CTNND2: variants seen among roughly 807,000 people sequenced by gnomAD.
CTNND2 encodes catenin delta-2.
CTNND2 carries 22 observed loss-of-function variants against 144.4 expected under a neutral mutation model. The ratio of observed to expected loss-of-function variants is 0.15; its 90% confidence interval spans 0.11 to 0.22. CTNND2 has a LOEUF of 0.22. CTNND2 is among the 10% of genes least tolerant of loss of function. The pLI is 1.00. For synonymous variants in CTNND2, 751 were observed against 695.6 expected, an observed-to-expected ratio of 1.08 and a Z score of -1.25; for missense variants, 1,353 against 1,618.8, an observed-to-expected ratio of 0.84 and a Z score of 2.82.
chr5:11,461,314 G>A (rs1766202277), intron 3 of CTNND2, among the ~76,000 whole-genome samples: 5 of 152,216 alleles, frequency 3.3e-5, no homozygotes, highest in South Asian at 4.1e-4. Flanking sequence ...GCAGAATGCC[G>A]AGAGAACACA....
chr5:11,764,688 C>T (rs1349820944), intron 1 of CTNND2, among the ~76,000 whole-genome samples: 4 of 152,140 alleles, frequency 2.6e-5, no homozygotes, highest in African/African-American at 9.7e-5. Flanking sequence ...AACCAAAGAT[C>T]GTAACTGATA....
At chr5:11,486,266 T>C (rs555526332) in intron 3 of CTNND2, among the ~76,000 whole-genome samples, 2 of 152,246 alleles carry the variant, frequency 1.3e-5, no homozygotes, top group South Asian at 4.1e-4. Flanking sequence ...GGTGATAATA[T>C]CCAGTAGATC....
At position 10,981,754 on chromosome 5, in the gene CTNND2, CG is replaced by C. The variant is rs1248072229; in HGVS notation, c.3417+18del. 6.3e-7 allele frequency: 1 copy of C among 1,590,220 alleles called. No homozygotes were observed. The highest frequency in any genetic ancestry group is 1.3e-5 in the African/African-American group (1 of 74,342). On this transcript the variant is annotated intron_variant, in intron 21 of 21. Transcript: ENST00000304623. ...AGTCACACTGAAAAGGAAATACAAA[CG>C]TGTTGCATTTACTTTACCTGGTTGT...
chr5:11,752,935 T>C (rs1788709345), intron 1 of CTNND2, among the ~76,000 whole-genome samples: 1 of 151,852 alleles, frequency 6.6e-6, no homozygotes, highest in Non-Finnish European at 1.5e-5. Context: ...GCACTATTTG[T>C]GGCTATTGTG....
intron 3 of CTNND2, among the ~76,000 whole-genome samples, chr5:11,417,610 T>C (rs1300635812): frequency 6.6e-6 from 1 of 152,184 alleles, no homozygotes; most frequent in East Asian, 1.9e-4. Context: ...TAACTCCTCA[T>C]ACACCACAAA....
At position 10,992,610 on chromosome 5, in the gene CTNND2, T is replaced by A. The variant is rs751090150; in HGVS notation, c.3152A>T (p.Tyr1051Phe). 6.2e-7 allele frequency: 1 copy of A among 1,612,102 alleles called. No homozygotes were observed. Among genetic ancestry groups the A allele is most frequent in the Non-Finnish European group, 8.5e-7 (1 of 1,179,422 alleles). ...GATGGAGGGCGTGCGGGAGGAGGAG[T>A]AGGGCCTTTGCCGGTCCCTCTCGAT... is the stretch of plus-strand genomic sequence containing the variant. The part of the protein sequence containing the change: ...STIERDRQRP[Y>F]SSSRTPSISP... Residue 1051 changes from tyrosine (Y) to phenylalanine (F), a missense_variant, in exon 19 of 22, where the codon TAC (tyrosine) becomes TTC (phenylalanine). Physicochemically the swap from Tyr to Phe is conservative, Grantham distance 22. Coordinates refer to ENST00000304623, the MANE Select transcript of CTNND2 (RefSeq NM_001332.4).
At chr5:11,250,483 CTCTCTCTCTATATATATA>C (rs1743461900) in intron 9 of CTNND2, among the ~76,000 whole-genome samples, 2 of 65,426 alleles carry the variant, frequency 3.1e-5, no homozygotes, top group African/African-American at 1.7e-4. Context: ...CTCTCTCTCT[CTCTCTCTCTATATATATA>C]TATATATATA....
At chr5:11,278,965 C>T (rs1374243312) in intron 9 of CTNND2, among the ~76,000 whole-genome samples, 1 of 152,126 alleles carries the variant, frequency 6.6e-6, no homozygotes, top group Non-Finnish European at 1.5e-5. Context: ...TCACTAACTC[C>T]CCCACGGTGT....
intron 3 of CTNND2, among the ~76,000 whole-genome samples, chr5:11,434,191 G>C (rs1446494080): frequency 1.3e-5 from 2 of 152,164 alleles, no homozygotes; most frequent in African/African-American, 2.4e-5. Context: ...GAATCCCAAA[G>C]CTTCCCGCTC....
chr5:11,362,093 T>C (rs879423809), intron 8 of CTNND2, among the ~76,000 whole-genome samples: 1 of 152,006 alleles, frequency 6.6e-6, no homozygotes, highest in East Asian at 1.9e-4. Flanking sequence ...TTTCAAGGAG[T>C]TAGGGTGTCT....
intron 3 of CTNND2, among the ~76,000 whole-genome samples, chr5:11,453,356 C>A (rs745987853): frequency 1.5e-4 from 23 of 152,292 alleles, no homozygotes; most frequent in Non-Finnish European, 2.1e-4. Flanking sequence ...TAGAAGCTGT[C>A]CCAATGTTTG....
chr5:11,401,676 C>T (rs1411835467), intron 5 of CTNND2, among the ~76,000 whole-genome samples: 2 of 152,178 alleles, frequency 1.3e-5, no homozygotes, highest in South Asian at 4.1e-4. Context: ...ATTTTAATGA[C>T]ATCTAAGCGA....
intron 12 of CTNND2, among the ~76,000 whole-genome samples, chr5:11,158,928 T>C (rs1758492802): frequency 6.6e-6 from 1 of 152,190 alleles, no homozygotes; most frequent in African/African-American, 2.4e-5. Flanking sequence ...TGGTAACTAC[T>C]TTCCTTCCTA....
intron 2 of CTNND2, among the ~76,000 whole-genome samples, chr5:11,637,162 G>A (rs1581645067): frequency 6.6e-6 from 1 of 152,020 alleles, no homozygotes; most frequent in African/African-American, 2.4e-5. Context: ...TCATTACCTT[G>A]GAAAATGTTT....
intron 1 of CTNND2, among the ~76,000 whole-genome samples, chr5:11,804,910 C>A (rs566269758): frequency 2.0e-5 from 3 of 152,186 alleles, no homozygotes; most frequent in African/African-American, 7.2e-5. Context: ...TCTAACTGTA[C>A]AAAACAACCT....
At chr5:11,199,424 T>C (rs1053071979) in intron 11 of CTNND2, 24 bp downstream of exon 11, 5 of 1,590,692 alleles carry the variant, frequency 3.1e-6, no homozygotes, top group Non-Finnish European at 4.3e-6. Flanking sequence ...AGATATAATA[T>C]AATAATTTAA....
intron 1 of CTNND2, among the ~76,000 whole-genome samples, chr5:11,859,589 G>A (rs2127022032): frequency 6.6e-6 from 1 of 152,146 alleles, no homozygotes; most frequent in East Asian, 1.9e-4. Flanking sequence ...TACAGGAAAG[G>A]CCCTAGAGAC....
chr5:11,675,452 G>A (rs566463519), intron 2 of CTNND2, among the ~76,000 whole-genome samples: 7 of 152,032 alleles, frequency 4.6e-5, no homozygotes, highest in Non-Finnish European at 8.8e-5. Context: ...GGCAACCAGC[G>A]CCCTCAGAGA....
chr5:11,779,540 T>C (rs942087056), intron 1 of CTNND2, among the ~76,000 whole-genome samples: 5 of 152,328 alleles, frequency 3.3e-5, no homozygotes, highest in Non-Finnish European at 5.9e-5. Flanking sequence ...ACATGGGTTA[T>C]GGCATAGCCT....
Sources: allele counts gnomAD v4.1 joint callset (sites outside exome capture counted in the v4.1 genomes callset), GRCh38; gene constraint gnomAD v4.1.1; transcripts MANE v1.5; gene names NCBI Gene and HGNC (gene_info 2026-07-23, HGNC 2026-07-21).